Variants in PLEKHM3 observed in about 807,000 individuals in gnomAD.
PLEKHM3 encodes the protein pleckstrin homology domain-containing family M member 3.
A neutral mutation model predicts 81.8 loss-of-function variants in PLEKHM3; 45 were observed. The observed-to-expected ratio is 0.55, with a 90% CI of 0.43 to 0.71. The LOEUF is 0.71. Ranked by LOEUF, PLEKHM3 falls within the 30% of genes least tolerant of loss-of-function variation. The pLI is 0.00. For missense variants in PLEKHM3, 788 were observed against 924.3 expected (o/e 0.85, Z 1.91); for synonymous variants, 352 against 356.4 (o/e 0.99, Z 0.14).
intron 7 of PLEKHM3, among the ~76,000 whole-genome samples, chr2:207,838,740 C>T (rs2092333738): frequency 6.6e-6 from 1 of 152,098 alleles, no homozygotes; most frequent in South Asian, 2.1e-4. Flanking sequence ...AACAAATACC[C>T]ACCTTGGTAT....
chr2:207,912,016 A>G (rs1384577546), intron 5 of PLEKHM3, among the ~76,000 whole-genome samples: 33 of 152,218 alleles, frequency 2.2e-4, no homozygotes, highest in Admixed American at 2.2e-3. Flanking sequence ...TTCCTGGAGT[A>G]CTATAACCAG....
At chr2:207,859,403 G>T (rs779608190) in intron 7 of PLEKHM3, among the ~76,000 whole-genome samples, 1 of 151,906 alleles carries the variant, frequency 6.6e-6, no homozygotes, top group Non-Finnish European at 1.5e-5. Context: ...CTCCCAAAGT[G>T]CTGGGATTAC....
At chr2:207,995,491 C>T (rs1331130615) in intron 2 of PLEKHM3, among the ~76,000 whole-genome samples, 1 of 152,154 alleles carries the variant, frequency 6.6e-6, no homozygotes, top group Non-Finnish European at 1.5e-5. Flanking sequence ...GGCACAGCCC[C>T]AGCTTAGTGG....
intron 1 of PLEKHM3, among the ~76,000 whole-genome samples, chr2:208,004,793 T>G (rs1692443513): frequency 6.6e-6 from 1 of 152,178 alleles, no homozygotes; most frequent in Non-Finnish European, 1.5e-5. Flanking sequence ...CTGCTTCTGT[T>G]TAAATAAACT....
Position 207,996,112 on chromosome 2 carries a change from C to T in PLEKHM3, c.610+4918G>A, listed in dbSNP as rs149689984. ...GGAGTCTGAAATGGTATCTAAATAG[C>T]TCTCCAAGACCAGAGTAACATTCTT... is the stretch of plus-strand genomic sequence containing the variant. On this transcript the variant is annotated intron_variant, in intron 2 of 7. Transcript: ENST00000427836. Among the ~76,000 whole-genome samples the T allele has an allele frequency of 5.3e-3, 813 of 152,292 alleles. 9 individuals carry two copies. The highest frequency in any genetic ancestry group is 0.019 in the African/African-American group (788 of 41,562).
intron 6 of PLEKHM3, among the ~76,000 whole-genome samples, chr2:207,904,288 C>G (rs1329621696): frequency 6.6e-6 from 1 of 152,024 alleles, no homozygotes; most frequent in Non-Finnish European, 1.5e-5. Flanking sequence ...CAGAAATTCA[C>G]CTGGAATTCT....
Position 207,926,368 on chromosome 2 carries a change from G to A in PLEKHM3, c.1886+4558C>T, listed in dbSNP as rs185914605. Among the ~76,000 whole-genome samples, 252 of 152,286 alleles carry A rather than the reference G, an allele frequency of 1.7e-3. 1 individual carries two copies. Among genetic ancestry groups the A allele is most frequent in the Admixed American group, 3.5e-3 (54 of 15,304 alleles). Reference sequence around the variant, plus strand: ...TGAGGCCAAACAAAACATGTCTGCTGGCCAAATCTGGCCTTGAGGTGACAC... The same window carrying A: ...TGAGGCCAAACAAAACATGTCTGCTAGCCAAATCTGGCCTTGAGGTGACAC... On this transcript the variant is annotated intron_variant, in intron 5 of 7. Transcript: ENST00000427836.
intron 2 of PLEKHM3, among the ~76,000 whole-genome samples, chr2:207,996,673 A>G (rs987058585): frequency 6.6e-6 from 1 of 152,184 alleles, no homozygotes; most frequent in African/African-American, 2.4e-5. Flanking sequence ...AGTATGAGAG[A>G]GGGAAAGAAT....
At chr2:207,926,288 T>A (rs1274461074) in intron 5 of PLEKHM3, among the ~76,000 whole-genome samples, 1 of 152,188 alleles carries the variant, frequency 6.6e-6, no homozygotes, top group Non-Finnish European at 1.5e-5. Flanking sequence ...AACTCCTGAT[T>A]TTTTTAAAGT....
At chr2:207,877,620 G>A (rs1370068805) in intron 6 of PLEKHM3, among the ~76,000 whole-genome samples, 1 of 152,228 alleles carries the variant, frequency 6.6e-6, no homozygotes, top group Non-Finnish European at 1.5e-5. Flanking sequence ...TGTAAACTGA[G>A]AGAAGAGGTT....
At chr2:207,964,478 C>T (rs1690847075) in intron 3 of PLEKHM3, among the ~76,000 whole-genome samples, 1 of 152,076 alleles carries the variant, frequency 6.6e-6, no homozygotes, top group African/African-American at 2.4e-5. Flanking sequence ...AGGCCCATGA[C>T]AGGATTCCAT....
intron 2 of PLEKHM3, among the ~76,000 whole-genome samples, chr2:208,000,166 C>T (rs185176591): frequency 6.6e-6 from 1 of 152,286 alleles, no homozygotes; most frequent in Admixed American, 6.5e-5. Context: ...AGACCCTCCG[C>T]CATGAGGGAG....
At chr2:207,888,141 C>T (rs1687939013) in intron 6 of PLEKHM3, among the ~76,000 whole-genome samples, 1 of 152,022 alleles carries the variant, frequency 6.6e-6, no homozygotes, top group South Asian at 2.1e-4. Context: ...CAAGGTGTTC[C>T]TTTTCCTGCT....
intron 5 of PLEKHM3, among the ~76,000 whole-genome samples, chr2:207,924,797 G>C (rs1158838707): frequency 2.0e-5 from 3 of 152,178 alleles, no homozygotes; most frequent in Admixed American, 6.5e-5. Context: ...CTCCTGTGAA[G>C]GCTGGAGGAT....
Position 208,003,548 on chromosome 2 carries a change from T to C in PLEKHM3, c.-318-1591A>G, listed in dbSNP as rs1353271113. Among the ~76,000 whole-genome samples, 8 of 152,358 alleles carry C rather than the reference T, an allele frequency of 5.3e-5. No homozygotes were observed. The South Asian group carries it at 8.3e-4, about 16-fold the overall frequency. On this transcript the variant is annotated intron_variant, in intron 1 of 7. Coordinates refer to ENST00000427836, the MANE Select transcript of PLEKHM3 (RefSeq NM_001080475.3). Reference sequence around the variant, plus strand: ...AGGTTTGCAGTTCATAGCACCTCTATAGAACCTCTTGCAAAGTGATAATGA... The same window carrying C: ...AGGTTTGCAGTTCATAGCACCTCTACAGAACCTCTTGCAAAGTGATAATGA...
At chr2:207,918,246 G>A (rs1574404557) in intron 5 of PLEKHM3, among the ~76,000 whole-genome samples, 1 of 152,304 alleles carries the variant, frequency 6.6e-6, no homozygotes, top group East Asian at 1.9e-4. Flanking sequence ...TTCAGTGCCG[G>A]GCGTGGTGGC....
At chr2:207,845,324 A>T (rs1438826907) in intron 7 of PLEKHM3, among the ~76,000 whole-genome samples, 1 of 152,232 alleles carries the variant, frequency 6.6e-6, no homozygotes, top group Non-Finnish European at 1.5e-5. Flanking sequence ...TCTAAAGCAT[A>T]AAACAGTTCA....
chr2:207,862,374 C>T (rs1291023904), intron 6 of PLEKHM3, among the ~76,000 whole-genome samples: 4 of 152,062 alleles, frequency 2.6e-5, no homozygotes, highest in Admixed American at 6.6e-5. Flanking sequence ...CTATGGCTCA[C>T]GCTTGCAATC....
chr2:207,829,173 T>C (rs1358815070), intron 7 of PLEKHM3, among the ~76,000 whole-genome samples: 1 of 152,188 alleles, frequency 6.6e-6, no homozygotes, highest in African/African-American at 2.4e-5. Flanking sequence ...GATATTGTAA[T>C]ATGTAGAGAG....
Sources: allele counts gnomAD v4.1 joint callset (sites outside exome capture counted in the v4.1 genomes callset), GRCh38; gene constraint gnomAD v4.1.1; transcripts MANE v1.5; gene names NCBI Gene and HGNC (gene_info 2026-07-23, HGNC 2026-07-21).